PCDHGB1: variants seen among roughly 807,000 people sequenced by gnomAD.
PCDHGB1 encodes protocadherin gamma subfamily B, 1.
A neutral mutation model predicts 56.6 loss-of-function variants in PCDHGB1; 34 were observed. That is an observed-to-expected ratio of 0.60 (90% CI 0.46 to 0.80). The LOEUF is 0.80. Ranked by LOEUF, PCDHGB1 falls within the 30% of genes least tolerant of loss-of-function variation. PCDHGB1 has a pLI of 0.00. For missense variants in PCDHGB1, 1,278 were observed against 1,204.6 expected (o/e 1.06, Z -0.90); for synonymous variants, 561 against 505.9 (o/e 1.11, Z -1.46).
chr5:141,460,795 G>GTA (rs2154567069), intron 1 of PCDHGB1, among the ~76,000 whole-genome samples: 1 of 151,608 alleles, frequency 6.6e-6, no homozygotes, highest in East Asian at 1.9e-4. Flanking sequence ...TACACACAAA[G>GTA]TATATATATG....
At chr5:141,420,164 A>G (rs2096471602) in intron 1 of PCDHGB1, 1 of 1,614,040 alleles carries the variant, frequency 6.2e-7, no homozygotes, top group Non-Finnish European at 8.5e-7. Context: ...TAATTTTTTC[A>G]CATCTGTTGA....
intron 1 of PCDHGB1, chr5:141,399,214 G>A: frequency 6.2e-7 from 1 of 1,613,956 alleles, no homozygotes; most frequent in African/African-American, 1.3e-5. Context: ...AACACTAATT[G>A]CTTTGATCAA....
chr5:141,486,598 C>T lies in PCDHGB1; in HGVS notation c.2410-8209C>T. 2 of 1,613,604 alleles carry T rather than the reference C, an allele frequency of 1.2e-6. No homozygotes were observed. Among genetic ancestry groups the T allele is most frequent in the Non-Finnish European group, 1.7e-6 (2 of 1,179,998 alleles). ...ACAATCGCCCAGGGGACCTGCTTTG[C>T]TCCCTTGCAGCCTCTGACCCAGACT... On this transcript the variant is annotated intron_variant, in intron 1 of 3. Transcript: ENST00000523390. The surrounding 1 kb of genome is among the most constrained non-coding windows in gnomAD (Gnocchi z 5.0).
At position 141,476,043 on chromosome 5, in the gene PCDHGB1, A is replaced by T. The variant is rs2099384502; in HGVS notation, c.2410-18764A>T. 1 of 1,492,156 alleles carries T rather than the reference A, an allele frequency of 6.7e-7. No individual in the cohort carries two copies. Among genetic ancestry groups the T allele is most frequent in the African/African-American group, 1.4e-5 (1 of 71,628 alleles). The allele number at this position is 1,492,156 out of a possible 1,614,324, so 92.4% of individuals were successfully genotyped here. On this transcript the variant is annotated intron_variant, in intron 1 of 3. Coordinates refer to ENST00000523390, the MANE Select transcript of PCDHGB1 (RefSeq NM_018922.3). The surrounding 1 kb of genome is among the most constrained non-coding windows in gnomAD (Gnocchi z 7.6). ...ACTCGGCGCCCAGCGCCCAAGCGCT[A>T]ACCCGCTGAAAGTTTCTCAGCGAAA...
chr5:141,494,801 C>T lies in PCDHGB1; in HGVS notation c.2410-6C>T, dbSNP rs2099757031. ...CTCAGCCCCTTTCCCTCTGTTTTCTCCACAGCAAGCCCCGCCCAACACGGA... is the reference window on the plus strand; with the variant it reads ...CTCAGCCCCTTTCCCTCTGTTTTCTTCACAGCAAGCCCCGCCCAACACGGA... On this transcript the variant is annotated splice_polypyrimidine_tract_variant and splice_region_variant and intron_variant, in intron 1 of 3. Transcript: ENST00000523390. The T allele has an allele frequency of 6.2e-7, 1 of 1,614,146 alleles. No individual in the cohort carries two copies. The highest frequency in any genetic ancestry group is 2.2e-5 in the East Asian group (1 of 44,880).
At chr5:141,482,606 T>G (rs2099569173) in intron 1 of PCDHGB1, among the ~76,000 whole-genome samples, 1 of 146,712 alleles carries the variant, frequency 6.8e-6, no homozygotes, top group African/African-American at 2.6e-5. Context: ...AAAAAACACC[T>G]AAATGAGCCT....
chr5:141,386,951 G>C (rs1313182720), intron 1 of PCDHGB1, among the ~76,000 whole-genome samples: 4 of 152,342 alleles, frequency 2.6e-5, no homozygotes, highest in Non-Finnish European at 4.4e-5. Flanking sequence ...CAGTGCTTCA[G>C]TGCAGCAGAT....
intron 2 of PCDHGB1, among the ~76,000 whole-genome samples, chr5:141,499,829 G>A (rs1322405697): frequency 6.6e-6 from 1 of 151,548 alleles, no homozygotes; most frequent in African/African-American, 2.4e-5. Context: ...TAGGATTACA[G>A]GTGTGCACCA....
In PCDHGB1 at chr5:141,351,091, C is replaced by T; in HGVS notation, c.831C>T (p.Ala277=). The T allele has an allele frequency of 2.5e-6, 4 of 1,614,028 alleles. No homozygotes were observed. The highest frequency in any genetic ancestry group is 3.4e-6 in the Non-Finnish European group (4 of 1,179,878). ...DEGINAEITY[A]FLNSPISTSL... The stretch of plus-strand genomic sequence containing the variant: ...GCATTAATGCAGAGATCACCTATGC[C>T]TTCCTCAATTCCCCAATAAGTACCA... The change falls in exon 1 of 4, where the codon GCC becomes GCT. Residue 277 remains alanine (A), a synonymous_variant. Transcript: ENST00000523390.
chr5:141,490,906 G>C lies in PCDHGB1; in HGVS notation c.2410-3901G>C. On this transcript the variant is annotated intron_variant, in intron 1 of 3. Transcript: ENST00000523390. The surrounding 1 kb of genome is among the most constrained non-coding windows in gnomAD (Gnocchi z 5.4). ...CACATCTCTGCATGTGTTTGTCCTA[G>C]ACGAGAATGATAATGCCCCAGCTGT... The C allele has an allele frequency of 1.9e-6, 3 of 1,613,798 alleles. No individual in the cohort carries two copies. The highest frequency in any genetic ancestry group is 2.5e-6 in the Non-Finnish European group (3 of 1,179,808).
chr5:141,509,577 C>G (rs569743928), intron 3 of PCDHGB1, among the ~76,000 whole-genome samples: 2 of 152,320 alleles, frequency 1.3e-5, no homozygotes, highest in African/African-American at 2.4e-5. Context: ...ACAGTGCGTA[C>G]AAATCAGCTG....
chr5:141,433,142 G>A, intron 1 of PCDHGB1: 2 of 1,614,108 alleles, frequency 1.2e-6, no homozygotes, highest in African/African-American at 1.3e-5. Flanking sequence ...TTTGCTGTCA[G>A]GTGATTCGGT....
intron 1 of PCDHGB1, chr5:141,366,681 G>T (rs1190460082): frequency 1.2e-6 from 2 of 1,614,160 alleles, no homozygotes; most frequent in Non-Finnish European, 1.7e-6. Context: ...AGTGAAGAGA[G>T]CTGTGAGAAA....
intron 1 of PCDHGB1, among the ~76,000 whole-genome samples, chr5:141,456,842 A>G (rs1374546355): frequency 6.6e-6 from 1 of 152,150 alleles, no homozygotes; most frequent in African/African-American, 2.4e-5. Flanking sequence ...GGGCGCCTGT[A>G]ATCCCAGCTA....
intron 2 of PCDHGB1, among the ~76,000 whole-genome samples, chr5:141,500,112 C>G (rs2099796438): frequency 6.8e-6 from 1 of 147,138 alleles, no homozygotes; most frequent in Non-Finnish European, 1.5e-5. Context: ...TGTTGAATCC[C>G]TGCCTTTTCA....
intron 1 of PCDHGB1, chr5:141,421,221 G>A (rs746753262): frequency 6.3e-7 from 1 of 1,576,508 alleles, no homozygotes; most frequent in Non-Finnish European, 8.6e-7. Context: ...TCGGCTTAGA[G>A]CCTGCCATGG....
chr5:141,355,311 G>C, intron 1 of PCDHGB1: 2 of 1,613,982 alleles, frequency 1.2e-6, no homozygotes. Flanking sequence ...CGGTGTTTGA[G>C]GAGCAGGAAG....
rs775705715 is a variant in PCDHGB1 at position 141,422,475 on chromosome 5, C to T, written c.2409+69806C>T. ...GCAGAGTGCTGGACAGGGAGTTGGT[C>T]CAGAGCTACAATATAACGTTGACAG... On this transcript the variant is annotated intron_variant, in intron 1 of 3. Coordinates refer to ENST00000523390, the MANE Select transcript of PCDHGB1 (RefSeq NM_018922.3). The T allele has an allele frequency of 7.4e-6, 12 of 1,613,672 alleles. No individual in the cohort carries two copies. The East Asian group carries it at 2.0e-4, about 27-fold the overall frequency.
In PCDHGB1 at chr5:141,360,143, C is replaced by T. The variant is rs763145950; in HGVS notation, c.2409+7474C>T. 5 of 1,594,764 alleles carry T rather than the reference C, an allele frequency of 3.1e-6. No homozygotes were observed. In the African/African-American group the frequency reaches 5.4e-5, roughly 17 times the overall value. On this transcript the variant is annotated intron_variant, in intron 1 of 3. Transcript: ENST00000523390. ...AGCAAAGGGAGCCAGAAGATGAAAG[C>T]GAGCTCAGGGAGGTGCGGGCTGGTG...
Sources: allele counts gnomAD v4.1 joint callset (sites outside exome capture counted in the v4.1 genomes callset), GRCh38; gene constraint gnomAD v4.1.1; non-coding constraint Gnocchi (gnomAD v3.1); transcripts MANE v1.5; gene names NCBI Gene and HGNC (gene_info 2026-07-23, HGNC 2026-07-21).